Variants in REC114 observed in about 807,000 individuals in gnomAD.
The protein encoded by REC114 is meiotic recombination protein REC114.
Under a neutral mutation model 31.3 loss-of-function variants are expected in REC114, and 27 were observed. The ratio of observed to expected loss-of-function variants is 0.86; its 90% confidence interval spans 0.64 to 1.19. The LOEUF (loss-of-function observed/expected upper bound fraction) is 1.19. Among genes scored for constraint, REC114 ranks in the 50% most tolerant of loss-of-function variants. The pLI is 0.00. For missense variants in REC114, 344 were observed against 326.9 expected (o/e 1.05, Z -0.40); for synonymous variants, 134 against 127.7 (o/e 1.05, Z -0.33).
chr15:73,520,115 T>G (rs1358128341), intron 2 of REC114, among the ~76,000 whole-genome samples: 1 of 152,240 alleles, frequency 6.6e-6, no homozygotes, highest in Non-Finnish European at 1.5e-5. Context: ...AAAGATAGTT[T>G]TATATGTGTA....
intron 2 of REC114, among the ~76,000 whole-genome samples, chr15:73,521,856 G>A (rs1893940385): frequency 6.6e-6 from 1 of 152,148 alleles, no homozygotes; most frequent in African/African-American, 2.4e-5. Flanking sequence ...GTAGGCCCAT[G>A]TAACTTGTCT....
intron 1 of REC114, among the ~76,000 whole-genome samples, chr15:73,453,293 GTCAACCCCA>G (rs1324721411): frequency 1.3e-5 from 2 of 151,958 alleles, no homozygotes; most frequent in Non-Finnish European, 2.9e-5. Context: ...ACAAGAAAAA[GTCAACCCCA>G]TCAAAAAGTG....
Position 73,443,197 on chromosome 15 carries a change from A to G in REC114, c.12A>G (p.Ala4=), listed in dbSNP as rs1892719496. Residue 4 remains alanine, a synonymous_variant, in exon 1 of 6, where the codon GCA becomes GCG. Transcript: ENST00000331090. ...TGGTGAGGCAGGACATGGCGGAGGCAGGAAAAGTGCCCTTGAGCCTCGGGC... is the reference window on the plus strand; with the variant it reads ...TGGTGAGGCAGGACATGGCGGAGGCGGGAAAAGTGCCCTTGAGCCTCGGGC... MAE[A]GKVPLSLGLT... The G allele has an allele frequency of 2.5e-6, 4 of 1,570,390 alleles. No individual in the cohort carries two copies. The highest frequency in any genetic ancestry group is 2.4e-5 in the East Asian group (1 of 42,390).
At chr15:73,503,556 G>A (rs1893632094) in intron 2 of REC114, among the ~76,000 whole-genome samples, 1 of 152,228 alleles carries the variant, frequency 6.6e-6, no homozygotes, top group South Asian at 2.1e-4. Context: ...ATTATGGGGT[G>A]GGTACATGGA....
At chr15:73,510,076 A>G (rs1312436320) in intron 2 of REC114, among the ~76,000 whole-genome samples, 1 of 152,004 alleles carries the variant, frequency 6.6e-6, no homozygotes, top group Non-Finnish European at 1.5e-5. Context: ...ACCCATGAGC[A>G]TGGAATGTTC....
At position 73,550,931 on chromosome 15, in the gene REC114, C is replaced by G; in HGVS notation, c.334-7C>G. On this transcript the variant is annotated splice_polypyrimidine_tract_variant and splice_region_variant and intron_variant, in intron 3 of 5. Transcript: ENST00000331090. ...TCTCTCATGATAACTTTTGATTTGT[C>G]AAACAGGACAAGAGTCGCCTGTTTC... The G allele has an allele frequency of 1.2e-6, 2 of 1,613,400 alleles. No individual in the cohort carries two copies. The highest frequency in any genetic ancestry group is 1.7e-6 in the Non-Finnish European group (2 of 1,179,512).
intron 1 of REC114, among the ~76,000 whole-genome samples, chr15:73,456,721 A>G (rs933940693): frequency 6.6e-6 from 1 of 152,188 alleles, no homozygotes; most frequent in Non-Finnish European, 1.5e-5. Flanking sequence ...ACTGAAACTC[A>G]GGTTCAGTGG....
intron 2 of REC114, among the ~76,000 whole-genome samples, chr15:73,529,329 G>T (rs182837686): frequency 1.3e-5 from 2 of 151,790 alleles, no homozygotes; most frequent in East Asian, 3.9e-4. Flanking sequence ...TAGTAAAGAC[G>T]GGGTTTCACC....
intron 1 of REC114, among the ~76,000 whole-genome samples, chr15:73,464,505 G>T (rs1234799537): frequency 2.6e-5 from 4 of 152,048 alleles, no homozygotes; most frequent in African/African-American, 9.7e-5. Context: ...TAACTTATGG[G>T]TCTTTTCACT....
chr15:73,531,912 C>T (rs1595878978), intron 2 of REC114, among the ~76,000 whole-genome samples: 1 of 151,850 alleles, frequency 6.6e-6, no homozygotes, highest in Non-Finnish European at 1.5e-5. Context: ...CTGTCCTGGA[C>T]ATTAATTCTT....
chr15:73,469,621 A>T lies in REC114; in HGVS notation c.160-4211A>T, dbSNP rs1893106193. 2.0e-5 allele frequency among the ~76,000 whole-genome samples: 3 copies of T among 150,828 alleles called. No individual in the cohort carries two copies. In the South Asian group the frequency reaches 6.3e-4, roughly 32 times the overall value. On this transcript the variant is annotated intron_variant, in intron 1 of 5. Transcript: ENST00000331090. Reference sequence around the variant, plus strand: ...ATTTTTACATTTTCTGTAGAGATCAAGTCTTGCCATGTTGCCCAGGCTGAT... The same window carrying T: ...ATTTTTACATTTTCTGTAGAGATCATGTCTTGCCATGTTGCCCAGGCTGAT...
chr15:73,457,905 C>A (rs1276725707), intron 1 of REC114, among the ~76,000 whole-genome samples: 1 of 152,176 alleles, frequency 6.6e-6, no homozygotes, highest in Non-Finnish European at 1.5e-5. Context: ...TTCACACAGT[C>A]TTAAAATGTT....
chr15:73,467,563 CTT>C (rs1370552467), intron 1 of REC114, among the ~76,000 whole-genome samples: 7 of 152,252 alleles, frequency 4.6e-5, no homozygotes, highest in Middle Eastern at 3.4e-3. Context: ...CTTTCTATGT[CTT>C]TTTTCTTCTC....
intron 1 of REC114, among the ~76,000 whole-genome samples, chr15:73,446,468 C>T (rs952075563): frequency 4.6e-5 from 7 of 152,046 alleles, no homozygotes; most frequent in Admixed American, 3.9e-4. Flanking sequence ...GGCAAAACCC[C>T]GTCTCTACAA....
rs1232642223 is a variant in REC114, at chr15:73,473,832, G to A, written c.160G>A (p.Val54Ile). ...AGTAPCPTWK[V>I]FDSNEESGYL... ...TATTTTTCTCCTTCTCCCTTTCAAGGTTTTTGATTCCAATGAAGAATCTGG... is the reference window on the plus strand; with the variant it reads ...TATTTTTCTCCTTCTCCCTTTCAAGATTTTTGATTCCAATGAAGAATCTGG... Residue 54 changes from valine (V) to isoleucine (I), a missense_variant and splice_region_variant, in exon 2 of 6, where the codon GTT becomes ATT. Physicochemically the swap from Val to Ile is conservative, Grantham distance 29. Transcript: ENST00000331090. 1.4e-5 allele frequency: 22 copies of A among 1,553,224 alleles called. No individual in the cohort carries two copies. The highest frequency in any genetic ancestry group is 1.9e-5 in the Non-Finnish European group (22 of 1,141,708).
At chr15:73,471,613 A>T (rs939693750) in intron 1 of REC114, among the ~76,000 whole-genome samples, 6 of 152,094 alleles carry the variant, frequency 3.9e-5, no homozygotes. Flanking sequence ...AGTAGTCTAA[A>T]CTGGGGCTCT....
intron 2 of REC114, among the ~76,000 whole-genome samples, chr15:73,539,282 ATTTTTTTT>A (rs753968018): frequency 1.1e-4 from 8 of 70,820 alleles, no homozygotes; most frequent in African/African-American, 4.0e-4. Flanking sequence ...TTCAGAACTG[ATTTTTTTT>A]TTTTTTTTTT....
At chr15:73,465,101 A>C (rs947208197) in intron 1 of REC114, among the ~76,000 whole-genome samples, 1 of 152,290 alleles carries the variant, frequency 6.6e-6, no homozygotes, top group African/African-American at 2.4e-5. Context: ...CATCTTGGCC[A>C]GACTGGTTTC....
intron 2 of REC114, among the ~76,000 whole-genome samples, chr15:73,526,299 T>C (rs7164953): frequency 0.11 from 16,954 of 152,242 alleles, 1,245 homozygotes; most frequent in African/African-American, 0.21. Flanking sequence ...GTTTAGACCC[T>C]TTGCATTTAA....
Sources: gnomAD v4.1 joint callset for allele counts (sites outside exome capture counted in the v4.1 genomes callset) on GRCh38, gnomAD v4.1.1 for gene constraint, MANE v1.5 for transcripts, NCBI Gene and HGNC (gene_info 2026-07-23, HGNC 2026-07-21) for gene names.